CLSTN1: variants seen among roughly 807,000 people sequenced by gnomAD.
CLSTN1 encodes calsyntenin-1.
In CLSTN1, 28 loss-of-function variants were observed where a neutral mutation model predicts 108.3. The ratio of observed to expected loss-of-function variants is 0.26; its 90% CI spans 0.19 to 0.35. CLSTN1 has a LOEUF of 0.35. Among genes scored for constraint, CLSTN1 ranks in the 10% least tolerant of loss-of-function variants. The pLI is 1.00. For synonymous variants in CLSTN1, 524 were observed against 534.9 expected (o/e 0.98, Z 0.28); for missense variants, 1,157 against 1,302.6 (o/e 0.89, Z 1.72).
chr1:9,734,978 G>T lies in CLSTN1; in HGVS notation c.2080C>A (p.Pro694Thr). The T allele has an allele frequency of 6.2e-7, 1 of 1,614,172 alleles. No individual in the cohort carries two copies. Among genetic ancestry groups the T allele is most frequent in the Non-Finnish European group, 8.5e-7 (1 of 1,180,022 alleles). ...GGGTCCTCAGCCCCGTCCCCTTCAG[G>T]CTCCACTTCTCTCGTGATGGTGCTG... is the stretch of plus-strand genomic sequence containing the variant. ...IISTITREVE[P>T]EGDGAEDPTV... Residue 694 changes from proline (P) to threonine (T), a missense_variant, in exon 14 of 19, where the codon CCT becomes ACT. Transcript: ENST00000377298. This position sits in a 1 kb window ranked among gnomAD's most constrained non-coding sequence, Gnocchi z 4.8.
intron 4 of CLSTN1, among the ~76,000 whole-genome samples, chr1:9,753,650 C>G (rs1285478563): frequency 6.6e-6 from 1 of 152,006 alleles, no homozygotes; most frequent in Non-Finnish European, 1.5e-5. Flanking sequence ...TGCCACCATG[C>G]CTGGTTAATT....
chr1:9,788,942 T>G (rs915604227), intron 1 of CLSTN1, among the ~76,000 whole-genome samples: 1 of 151,312 alleles, frequency 6.6e-6, no homozygotes, highest in African/African-American at 2.4e-5. Context: ...ACACCACACT[T>G]ATCCTTTTGT....
chr1:9,741,246 T>C lies in CLSTN1; in HGVS notation c.1367A>G (p.Glu456Gly). Reference sequence around the variant, plus strand: ...ATTGAGGACGTAGTGGTGCCATTCCTCATCACAGACCTACAGAGGCAAAGG... The same window carrying C: ...ATTGAGGACGTAGTGGTGCCATTCCCCATCACAGACCTACAGAGGCAAAGG... ...FHWKLNQVCDEEWHHYVLNVE... is the reference protein window; with the variant it reads ...FHWKLNQVCDGEWHHYVLNVE... The change falls in exon 10 of 19, where the codon GAG (glutamate) becomes GGG (glycine). Residue 456 changes from glutamate (E) to glycine (G), a missense_variant. Transcript: ENST00000377298. 1 of 1,610,936 alleles carries C rather than the reference T, an allele frequency of 6.2e-7. No individual in the cohort carries two copies. Among genetic ancestry groups the C allele is most frequent in the Non-Finnish European group, 8.5e-7 (1 of 1,177,378 alleles).
At chr1:9,786,400 G>A (rs1653489028) in intron 1 of CLSTN1, among the ~76,000 whole-genome samples, 1 of 152,086 alleles carries the variant, frequency 6.6e-6, no homozygotes, top group Non-Finnish European at 1.5e-5. Flanking sequence ...CCAGCACTTT[G>A]GGAGGCCGAG....
chr1:9,785,445 C>T (rs553443630), intron 1 of CLSTN1, among the ~76,000 whole-genome samples: 1 of 152,124 alleles, frequency 6.6e-6, no homozygotes, highest in East Asian at 1.9e-4. Flanking sequence ...CTGATTGAAA[C>T]ACCAAATACA....
chr1:9,798,444 A>G (rs1308775226), intron 1 of CLSTN1, among the ~76,000 whole-genome samples: 1 of 152,226 alleles, frequency 6.6e-6, no homozygotes, highest in Non-Finnish European at 1.5e-5. Context: ...TCAAAAAATT[A>G]TGAAACTCAG....
chr1:9,739,952 G>GATTACAGGCATGCACCACCATATA (rs1346370898), intron 10 of CLSTN1, among the ~76,000 whole-genome samples: 1 of 151,938 alleles, frequency 6.6e-6, no homozygotes, highest in African/African-American at 2.4e-5. Flanking sequence ...GAGTAGCTGG[G>GATTACAGGCATGCACCACCATATA]ACCACAGGCA....
At chr1:9,786,665 A>AC (rs1553181002) in intron 1 of CLSTN1, among the ~76,000 whole-genome samples, 7 of 150,006 alleles carry the variant, frequency 4.7e-5, no homozygotes, top group East Asian at 2.0e-4. Flanking sequence ...AAAAAAAAAA[A>AC]AAAAAAAACA....
Position 9,735,989 on chromosome 1 carries a change from G to C in CLSTN1, c.1630C>G (p.Leu544Val). Reference sequence around the variant, plus strand: ...TTATCCGCGAGTTTCCCGGAACGGAGAGTTAAGCCAGCCAGATTGCCTCGG... The same window carrying C: ...TTATCCGCGAGTTTCCCGGAACGGACAGTTAAGCCAGCCAGATTGCCTCGG... ...FFRGNLAGLT[L>V]RSGKLADKKV... is the part of the protein sequence containing the mutation. Residue 544 changes from leucine (L) to valine (V), a missense_variant, in exon 12 of 19, where the codon CTC becomes GTC. By Grantham distance (32) the Leu-to-Val change is conservative (BLOSUM62 1). Transcript: ENST00000377298. 6.2e-7 allele frequency: 1 copy of C among 1,614,218 alleles called. No homozygotes were observed. The highest frequency in any genetic ancestry group is 8.5e-7 in the Non-Finnish European group (1 of 1,180,046).
intron 2 of CLSTN1, among the ~76,000 whole-genome samples, chr1:9,770,078 A>G (rs1652597335): frequency 6.6e-6 from 1 of 152,170 alleles, no homozygotes; most frequent in Admixed American, 6.5e-5. Flanking sequence ...TTATCTCCAA[A>G]AAAGAAAAAA....
intron 2 of CLSTN1, among the ~76,000 whole-genome samples, chr1:9,768,588 G>A (rs1232631143): frequency 3.6e-5 from 5 of 139,564 alleles, no homozygotes; most frequent in African/African-American, 5.3e-5. Flanking sequence ...GTTCTGTGCT[G>A]GGTGGCACCA....
intron 1 of CLSTN1, chr1:9,781,360 AAAG>A: frequency 2.0e-6 from 1 of 489,202 alleles, no homozygotes; most frequent in South Asian, 3.2e-5. Flanking sequence ...TTCCTTTTTA[AAAG>A]AATTATAAAA....
intron 1 of CLSTN1, among the ~76,000 whole-genome samples, chr1:9,784,269 G>C (rs1460742898): frequency 6.6e-6 from 1 of 151,990 alleles, no homozygotes; most frequent in Non-Finnish European, 1.5e-5. Flanking sequence ...CTTGAACCTG[G>C]GGGGCAGACG....
Position 9,749,769 on chromosome 1 carries a change from C to G in CLSTN1, c.794G>C (p.Trp265Ser), listed in dbSNP as rs1651463652. 6.2e-7 allele frequency: 1 copy of G among 1,613,862 alleles called. No homozygotes were observed. The highest frequency in any genetic ancestry group is 1.3e-5 in the African/African-American group (1 of 74,928). Reference protein sequence around the residue: ...ISIKPTCTPGWQGWNNRIEYE... With the variant: ...ISIKPTCTPGSQGWNNRIEYE... ...GGGGAGAGAATGAAGCTCACCTTGC[C>G]ACCCAGGGGTGCAGGTGGGCTTAAT... Residue 265 changes from tryptophan to serine, a missense_variant, in exon 6 of 19, where the codon TGG (tryptophan) becomes TCG (serine). By Grantham distance (177) the Trp-to-Ser change is radical (BLOSUM62 -3). Coordinates refer to ENST00000377298, the MANE Select transcript of CLSTN1 (RefSeq NM_001009566.3).
Position 9,734,013 on chromosome 1 carries a change from C to A in CLSTN1, c.2240G>T (p.Gly747Val). ...EVDMARLQQKGIEVSSSELGM... is the reference protein window; with the variant it reads ...EVDMARLQQKVIEVSSSELGM... The stretch of plus-strand genomic sequence containing the variant: ...CAGTTCAGAGCTGCTCACTTCAATG[C>A]CCTTCTGCTGCAGGCGGGCCATGTC... The change falls in exon 15 of 19, where the codon GGC becomes GTC. Residue 747 changes from glycine to valine, a missense_variant. By Grantham distance (109) the Gly-to-Val change is moderately radical (BLOSUM62 -3). Coordinates refer to ENST00000377298, the MANE Select transcript of CLSTN1 (RefSeq NM_001009566.3). The surrounding 1 kb of genome is among the most constrained non-coding windows in gnomAD (Gnocchi z 4.8). 1 of 1,614,150 alleles carries A rather than the reference C, an allele frequency of 6.2e-7. No individual in the cohort carries two copies. The highest frequency in any genetic ancestry group is 8.5e-7 in the Non-Finnish European group (1 of 1,180,034).
intron 1 of CLSTN1, among the ~76,000 whole-genome samples, chr1:9,811,731 C>CAAA (rs34337087): frequency 2.5e-5 from 2 of 78,834 alleles, no homozygotes; most frequent in African/African-American, 6.4e-5. Flanking sequence ...AAATGCATGG[C>CAAA]AAAAAAAAAA....
At position 9,773,281 on chromosome 1, in the gene CLSTN1, G is replaced by C; in HGVS notation, c.205C>G (p.Arg69Gly). 6.2e-7 allele frequency: 1 copy of C among 1,613,930 alleles called. No individual in the cohort carries two copies. Among genetic ancestry groups the C allele is most frequent in the Non-Finnish European group, 8.5e-7 (1 of 1,179,896 alleles). ...LIALDKDAPL[R>G]FAESFEVTVT... ...AAAGCCCCGTTCCTACCTGCAAATC[G>C]CAGAGGCGCATCTTTATCCAGCGCG... The change falls in exon 2 of 19, where the codon CGA becomes GGA. Residue 69 changes from arginine to glycine, a missense_variant. Transcript: ENST00000377298.
chr1:9,736,645 CAA>C (rs1310989498), intron 11 of CLSTN1, among the ~76,000 whole-genome samples: 2 of 152,106 alleles, frequency 1.3e-5, no homozygotes, highest in African/African-American at 2.4e-5. Flanking sequence ...CAGATGACAA[CAA>C]AGAGCCAGAA....
intron 11 of CLSTN1, among the ~76,000 whole-genome samples, chr1:9,736,576 G>A (rs1433462692): frequency 5.9e-5 from 9 of 152,174 alleles, no homozygotes; most frequent in African/African-American, 2.2e-4. Flanking sequence ...CTCCTCCTGA[G>A]GATTGCTGAG....
Sources: gnomAD v4.1 joint callset for allele counts (sites outside exome capture counted in the v4.1 genomes callset) on GRCh38, gnomAD v4.1.1 for gene constraint, Gnocchi (gnomAD v3.1) non-coding constraint, MANE v1.5 for transcripts, NCBI Gene and HGNC (gene_info 2026-07-23, HGNC 2026-07-21) for gene names.